Variants in ENOX1 observed in about 807,000 individuals in gnomAD.
ENOX1 encodes the protein candidate growth-related and time keeping constitutive hydroquinone (NADH) oxidase.
In ENOX1, 42 loss-of-function variants were observed where a neutral mutation model predicts 82.5. The observed-to-expected ratio is 0.51, with a 90% CI of 0.40 to 0.66. The LOEUF is 0.66. ENOX1 is among the 30% of genes least tolerant of loss of function. The pLI, the probability that ENOX1 is intolerant of heterozygous loss-of-function variation, is 0.00. For synonymous variants in ENOX1, 271 were observed against 282.2 expected (o/e 0.96, Z 0.40); for missense variants, 608 against 811.6 (o/e 0.75, Z 3.05).
chr13:43,372,738 G>GGTGAATTA (rs1229736205), intron 5 of ENOX1, among the ~76,000 whole-genome samples: 1 of 152,098 alleles, frequency 6.6e-6, no homozygotes, highest in Non-Finnish European at 1.5e-5. Context: ...TCTATATTAT[G>GGTGAATTA]GTGAATTAGT....
Position 43,581,316 on chromosome 13 carries a change from T to C in ENOX1, c.-219+86163A>G, listed in dbSNP as rs1277684539. ...CCCGGCTAATTTTTTGTATTTTTAG[T>C]AGAGACGGGGTTTCACCGTTTTAGC... On this transcript the variant is annotated intron_variant, in intron 2 of 16. Coordinates refer to ENST00000690772, the MANE Select transcript of ENOX1 (RefSeq NM_001347969.2). Among the ~76,000 whole-genome samples the C allele has an allele frequency of 2.0e-5, 3 of 150,922 alleles. No homozygotes were observed. In the East Asian group the frequency reaches 5.9e-4, roughly 30 times the overall value.
chr13:43,757,542 C>T (rs1038641149), intron 1 of ENOX1, among the ~76,000 whole-genome samples: 1 of 152,170 alleles, frequency 6.6e-6, no homozygotes, highest in Non-Finnish European at 1.5e-5. Flanking sequence ...CTCTGAGCCA[C>T]TCTGTCATGT....
At chr13:43,671,834 C>T (rs181624902) in intron 1 of ENOX1, among the ~76,000 whole-genome samples, 110 of 152,126 alleles carry the variant, frequency 7.2e-4, no homozygotes, top group African/African-American at 2.2e-3. Flanking sequence ...TCCCCAAGAG[C>T]GAGATAGCAA....
chr13:43,250,607 A>G (rs1305197309), intron 14 of ENOX1, among the ~76,000 whole-genome samples: 3 of 152,222 alleles, frequency 2.0e-5, no homozygotes, highest in African/African-American at 7.2e-5. Context: ...CAACATTTGG[A>G]TTAAATGAAG....
At chr13:43,593,705 C>T (rs1052226517) in intron 2 of ENOX1, among the ~76,000 whole-genome samples, 2 of 148,314 alleles carry the variant, frequency 1.3e-5, no homozygotes, top group African/African-American at 2.5e-5. Context: ...CACACACACA[C>T]ACACACACAC....
intron 14 of ENOX1, among the ~76,000 whole-genome samples, chr13:43,247,019 G>T (rs935240132): frequency 3.3e-5 from 5 of 152,156 alleles, no homozygotes; most frequent in Admixed American, 3.3e-4. Context: ...AGATCACGAA[G>T]AATTAGAAGT....
At chr13:43,658,344 T>C (rs2084547755) in intron 2 of ENOX1, among the ~76,000 whole-genome samples, 1 of 152,178 alleles carries the variant, frequency 6.6e-6, no homozygotes, top group Non-Finnish European at 1.5e-5. Context: ...TCTTAGTTTT[T>C]TGATTTCAGG....
intron 2 of ENOX1, among the ~76,000 whole-genome samples, chr13:43,517,491 C>G (rs2077599193): frequency 6.6e-6 from 1 of 152,014 alleles, no homozygotes; most frequent in Admixed American, 6.6e-5. Flanking sequence ...AGAGTGAAAC[C>G]CTGTCTCATA....
intron 8 of ENOX1, among the ~76,000 whole-genome samples, chr13:43,345,787 C>T (rs2049343158): frequency 6.6e-6 from 1 of 152,114 alleles, no homozygotes; most frequent in Admixed American, 6.5e-5. Context: ...AAATACCCTA[C>T]ATTTTTACAA....
chr13:43,380,396 G>A (rs1440123526), intron 5 of ENOX1, among the ~76,000 whole-genome samples: 6 of 151,444 alleles, frequency 4.0e-5, no homozygotes, highest in Non-Finnish European at 7.4e-5. Flanking sequence ...TAATACAAAA[G>A]TATATAGTTC....
At chr13:43,469,897 T>G (rs1374422845) in intron 3 of ENOX1, among the ~76,000 whole-genome samples, 1 of 151,742 alleles carries the variant, frequency 6.6e-6, no homozygotes, top group Non-Finnish European at 1.5e-5. Context: ...CAGAAATCAG[T>G]GTAGTCTGGT....
intron 2 of ENOX1, among the ~76,000 whole-genome samples, chr13:43,542,762 T>G (rs960784989): frequency 2.0e-5 from 3 of 152,200 alleles, no homozygotes; most frequent in Admixed American, 6.5e-5. Flanking sequence ...TTCAGACTGC[T>G]GTAATACAAT....
intron 5 of ENOX1, among the ~76,000 whole-genome samples, chr13:43,377,328 C>A (rs1267287480): frequency 6.6e-6 from 1 of 152,220 alleles, no homozygotes; most frequent in Non-Finnish European, 1.5e-5. Flanking sequence ...AGAAGGCCCT[C>A]ACCAGATGGC....
rs187194083 is a variant in ENOX1 at position 43,339,002 on chromosome 13, A to C, written c.1036+5536T>G. On this transcript the variant is annotated intron_variant, in intron 9 of 16. Coordinates refer to ENST00000690772, the MANE Select transcript of ENOX1 (RefSeq NM_001347969.2). ...GCCCGGCCTCGGGTTGGGTTTAATTACAGCCCCCTGACACTTTAAGCTAAG... is the reference window on the plus strand; with the variant it reads ...GCCCGGCCTCGGGTTGGGTTTAATTCCAGCCCCCTGACACTTTAAGCTAAG... Among the ~76,000 whole-genome samples, 287 of 152,208 alleles carry C rather than the reference A, an allele frequency of 1.9e-3. 11 individuals are homozygous for C. In the South Asian group the frequency reaches 0.052, roughly 28 times the overall value.
In ENOX1 at chr13:43,326,440, G is replaced by A. The variant is rs1382309255; in HGVS notation, c.1122C>T (p.Asp374=). The A allele has an allele frequency of 1.2e-6, 2 of 1,614,110 alleles. No homozygotes were observed. The highest frequency in any genetic ancestry group is 2.2e-5 in the South Asian group (2 of 91,082). Residue 374 remains aspartate (D), a synonymous_variant, in exon 10 of 17, where the codon GAC becomes GAT. Transcript: ENST00000690772. Reference sequence around the variant, plus strand: ...CAACCTCAGAATGCTTTCGCCAAATGTCTATGTTCTTGCGCTGGGCTTTCG... The same window carrying A: ...CAACCTCAGAATGCTTTCGCCAAATATCTATGTTCTTGCGCTGGGCTTTCG... ...HFSKAQRKNI[D]IWRKHSEELR...
chr13:43,648,581 T>G (rs1026650090), intron 2 of ENOX1, among the ~76,000 whole-genome samples: 1 of 152,178 alleles, frequency 6.6e-6, no homozygotes. Flanking sequence ...AGAGAGTTCA[T>G]AAGCCACTAA....
rs542695243 is a variant in ENOX1 at position 43,752,685 on chromosome 13, T to C, written c.-285+33967A>G. Among the ~76,000 whole-genome samples the C allele has an allele frequency of 9.2e-5, 14 of 152,308 alleles. No individual in the cohort carries two copies. The East Asian group carries it at 2.5e-3, about 27-fold the overall frequency. ...GTCTAAAATCCACGGTCTATACACA[T>C]GTGGATCTACTTCTGCCTCTTTCTT... is the stretch of plus-strand genomic sequence containing the variant. On this transcript the variant is annotated intron_variant, in intron 1 of 16. Transcript: ENST00000690772.
intron 2 of ENOX1, among the ~76,000 whole-genome samples, chr13:43,604,442 G>C (rs1044871920): frequency 6.6e-6 from 1 of 152,156 alleles, no homozygotes; most frequent in Non-Finnish European, 1.5e-5. Flanking sequence ...TCCCCATTCA[G>C]TGCAATACTA....
intron 2 of ENOX1, among the ~76,000 whole-genome samples, chr13:43,521,206 G>A (rs1229723598): frequency 6.6e-6 from 1 of 152,050 alleles, no homozygotes; most frequent in Admixed American, 6.6e-5. Context: ...TCTATAGTAA[G>A]AGAATAATTA....
Sources: gnomAD v4.1 joint callset for allele counts (sites outside exome capture counted in the v4.1 genomes callset) on GRCh38, gnomAD v4.1.1 for gene constraint, MANE v1.5 for transcripts, NCBI Gene and HGNC (gene_info 2026-07-23, HGNC 2026-07-21) for gene names.